Variants in HCN4 observed in about 807,000 individuals in gnomAD.
HCN4 encodes potassium/sodium hyperpolarization-activated cyclic nucleotide-gated channel 4.
Under a neutral mutation model 76.9 loss-of-function variants are expected in HCN4, and 29 were observed. That is an observed-to-expected ratio of 0.38 (90% confidence interval 0.28 to 0.51). HCN4 has a LOEUF of 0.51. Ranked by LOEUF, HCN4 falls within the 20% of genes least tolerant of loss-of-function variation. The pLI, the probability that HCN4 is intolerant of heterozygous loss-of-function variation, is 0.90. For synonymous variants in HCN4, 772 were observed against 762.5 expected (o/e 1.01, Z -0.21); for missense variants, 1,416 against 1,715.2 (o/e 0.83, Z 3.08).
chr15:73,357,843 A>G lies in HCN4; in HGVS notation c.785+9643T>C, dbSNP rs1372302288. Among the ~76,000 whole-genome samples, 3 of 152,170 alleles carry G rather than the reference A, an allele frequency of 2.0e-5. No individual in the cohort carries two copies. In the South Asian group the frequency reaches 6.2e-4, roughly 32 times the overall value. ...GATCTTCCACGTGTCCCTGGCCCCC[A>G]GGGACTGCAGAACTCTAGGATCATG... On this transcript the variant is annotated intron_variant, in intron 1 of 7. Coordinates refer to ENST00000261917, the MANE Select transcript of HCN4 (RefSeq NM_005477.3).
chr15:73,347,766 C>A (rs2151222355), intron 1 of HCN4, among the ~76,000 whole-genome samples: 1 of 152,262 alleles, frequency 6.6e-6, no homozygotes, highest in African/African-American at 2.4e-5. Context: ...GGCAGTCAGG[C>A]TCAGATATCC....
chr15:73,360,579 A>AT (rs1434485390), intron 1 of HCN4, among the ~76,000 whole-genome samples: 1 of 152,186 alleles, frequency 6.6e-6, no homozygotes, highest in Non-Finnish European at 1.5e-5. Context: ...AGAAGGAGGA[A>AT]TGTCAAATTC....
chr15:73,366,243 C>T (rs1245350566), intron 1 of HCN4, among the ~76,000 whole-genome samples: 20 of 152,186 alleles, frequency 1.3e-4, no homozygotes. Context: ...TCTGACTGGT[C>T]ATTCCCAGTG....
At position 73,343,600 on chromosome 15, in the gene HCN4, G is replaced by A. The variant is rs141185786; in HGVS notation, c.994C>T (p.Arg332Trp). ...CTTTTCAGGTACTTCATTTTAATCCGCTGCGGGTCCAGGATGATCTCTGTG... is the reference window on the plus strand; with the variant it reads ...CTTTTCAGGTACTTCATTTTAATCCACTGCGGGTCCAGGATGATCTCTGTG... ...DNTEIILDPQ[R>W]IKMKYLKSWF... Residue 332 changes from arginine to tryptophan, a missense_variant, in exon 2 of 8, where the codon CGG (arginine) becomes TGG (tryptophan). Arg to Trp is a moderately radical substitution (Grantham distance 101). Transcript: ENST00000261917. This position sits in a 1 kb window ranked among gnomAD's most constrained non-coding sequence, Gnocchi z 5.7. 10 of 1,613,988 alleles carry A rather than the reference G, an allele frequency of 6.2e-6. No homozygotes were observed. The highest frequency in any genetic ancestry group is 2.2e-5 in the South Asian group (2 of 91,082).
At chr15:73,360,191 A>C (rs150166558) in intron 1 of HCN4, among the ~76,000 whole-genome samples, 1 of 152,342 alleles carries the variant, frequency 6.6e-6, no homozygotes, top group East Asian at 1.9e-4. Context: ...GACAAGAAAA[A>C]GCTCCAACTG....
chr15:73,325,098 C>T lies in HCN4; in HGVS notation c.1835G>A (p.Arg612His), dbSNP rs528148663. The T allele has an allele frequency of 1.4e-5, 22 of 1,614,240 alleles. No individual in the cohort carries two copies. Among genetic ancestry groups the T allele is most frequent in the East Asian group, 6.7e-5 (3 of 44,878 alleles). ...NFVTSMLTKL[R>H]FEVFQPGDYI... ...GTCCCCAGGCTGGAAGACCTCGAAACGCAGCTTGGTCAGCATGGACGTCAC... is the reference window on the plus strand; with the variant it reads ...GTCCCCAGGCTGGAAGACCTCGAAATGCAGCTTGGTCAGCATGGACGTCAC... The change falls in exon 6 of 8, where the codon CGT becomes CAT. Residue 612 changes from arginine to histidine, a missense_variant. By Grantham distance (29) the Arg-to-His change is conservative. Around this residue, in one of 6 missense-constraint regions of HCN4, gnomAD observed 241 missense variants for 379.4 expected, o/e 0.64. Transcript: ENST00000261917. This position sits in a 1 kb window ranked among gnomAD's most constrained non-coding sequence, Gnocchi z 7.4.
rs549899850 is a variant in HCN4 at position 73,322,075 on chromosome 15, T to G, written c.*406A>C. Reference sequence around the variant, plus strand: ...GGGCAGCCCCTTTCTGGGGGCAGAGTGGAGCTCCAAGTTACAGCTAACGGG... The same window carrying G: ...GGGCAGCCCCTTTCTGGGGGCAGAGGGGAGCTCCAAGTTACAGCTAACGGG... On this transcript the variant is annotated 3_prime_UTR_variant, in exon 8 of 8. Coordinates refer to ENST00000261917, the MANE Select transcript of HCN4 (RefSeq NM_005477.3). The G allele has an allele frequency of 1.5e-4, 38 of 256,036 alleles. 1 individual carries two copies. The highest frequency in any genetic ancestry group is 2.9e-3 in the Middle Eastern group (2 of 680). 15.9% of individuals were successfully genotyped at this position (256,036 alleles called of 1,614,324 possible). A position where few individuals can be genotyped will look rare whatever the true frequency, so the allele number is the denominator to read the frequency against.
chr15:73,332,391 G>A, intron 2 of HCN4, 99 bp from the exon 3 acceptor site: 1 of 1,247,258 alleles, frequency 8.0e-7, no homozygotes, highest in South Asian at 1.2e-5. Context: ...GCACTGCTCT[G>A]CCTGGACTCT....
chr15:73,326,281 G>A (rs527491663), intron 4 of HCN4, among the ~76,000 whole-genome samples: 5 of 152,150 alleles, frequency 3.3e-5, no homozygotes, highest in East Asian at 1.9e-4. Flanking sequence ...AATCAGAAAC[G>A]GGGCAGCCTG....
chr15:73,367,635 G>A lies in HCN4; in HGVS notation c.636C>T (p.Gly212=). Residue 212 remains glycine, a synonymous_variant, in exon 1 of 8, where the codon GGC becomes GGT. Coordinates refer to ENST00000261917, the MANE Select transcript of HCN4 (RefSeq NM_005477.3). The surrounding 1 kb of genome is among the most constrained non-coding windows in gnomAD (Gnocchi z 7.5). ...PEAEVRLGQA[G]FMQRQFGAML... The stretch of plus-strand genomic sequence containing the variant: ...TGGCCCCGAACTGGCGCTGCATGAA[G>A]CCGGCCTGGCCCAGGCGCACCTCGG... The A allele has an allele frequency of 1.9e-6, 3 of 1,611,918 alleles. No homozygotes were observed. The highest frequency in any genetic ancestry group is 2.5e-6 in the Non-Finnish European group (3 of 1,179,954).
intron 1 of HCN4, among the ~76,000 whole-genome samples, chr15:73,355,558 T>A (rs1038995860): frequency 6.6e-6 from 1 of 152,088 alleles, no homozygotes; most frequent in African/African-American, 2.4e-5. Context: ...CCAGGGTACA[T>A]GAGGGGCTGG....
chr15:73,345,045 C>T (rs1281003075), intron 1 of HCN4, among the ~76,000 whole-genome samples: 1 of 152,202 alleles, frequency 6.6e-6, no homozygotes. Context: ...ATCTTTGATT[C>T]TTTACTGCAG....
chr15:73,350,025 C>T (rs1017120743), intron 1 of HCN4, among the ~76,000 whole-genome samples: 1 of 152,242 alleles, frequency 6.6e-6, no homozygotes, highest in Non-Finnish European at 1.5e-5. Flanking sequence ...CCAAAGCACA[C>T]ACTTGACCAC....
chr15:73,360,489 C>T (rs937263119), intron 1 of HCN4, among the ~76,000 whole-genome samples: 3 of 152,200 alleles, frequency 2.0e-5, no homozygotes, highest in Non-Finnish European at 2.9e-5. Flanking sequence ...CTTTCTGAGC[C>T]CCTCCTCGAC....
At position 73,324,123 on chromosome 15, in the gene HCN4, G is replaced by A. The variant is rs150378994; in HGVS notation, c.2109C>T (p.Phe703=). The A allele has an allele frequency of 4.2e-5, 67 of 1,613,450 alleles. 1 individual carries two copies. In the African/African-American group the frequency reaches 6.0e-4, roughly 14 times the overall value. Reference sequence around the variant, plus strand: ...CCAGGCGGTCCAGCGCCACGGTCTCGAAGGCCCTTCGCATCATGGGGTACT... The same window carrying A: ...CCAGGCGGTCCAGCGCCACGGTCTCAAAGGCCCTTCGCATCATGGGGTACT... The part of the protein sequence containing the change: ...LEEYPMMRRA[F]ETVALDRLDR... The change falls in exon 7 of 8, where the codon TTC becomes TTT. Residue 703 remains phenylalanine (F), a synonymous_variant. Transcript: ENST00000261917.
At chr15:73,353,732 G>A (rs1253459418) in intron 1 of HCN4, among the ~76,000 whole-genome samples, 1 of 152,114 alleles carries the variant, frequency 6.6e-6, no homozygotes, top group African/African-American at 2.4e-5. Context: ...GGGTGAGCAG[G>A]AGTCCTCCCT....
rs1237920489 is a variant in HCN4 at position 73,324,078 on chromosome 15, C to G, written c.2143+11G>C. Reference sequence around the variant, plus strand: ...CCCCCACCTGCCCCGCCTGTGGCCCCTCCCCCTCACCAATGCGGTCCAGGC... The same window carrying G: ...CCCCCACCTGCCCCGCCTGTGGCCCGTCCCCCTCACCAATGCGGTCCAGGC... On this transcript the variant is annotated intron_variant, in intron 7 of 7. Coordinates refer to ENST00000261917, the MANE Select transcript of HCN4 (RefSeq NM_005477.3). 3.1e-6 allele frequency: 5 copies of G among 1,612,398 alleles called. No individual in the cohort carries two copies. The African/African-American group carries it at 6.7e-5, about 22-fold the overall frequency.
In HCN4 at chr15:73,366,150, T is replaced by C. The variant is rs533765537; in HGVS notation, c.785+1336A>G. ...TCTGGGAATGGGAACCCTGGAGATA[T>C]TAGGGTTAGGAAGAGCAGTCTGTCA... On this transcript the variant is annotated intron_variant, in intron 1 of 7. Coordinates refer to ENST00000261917, the MANE Select transcript of HCN4 (RefSeq NM_005477.3). 6.6e-5 allele frequency among the ~76,000 whole-genome samples: 10 copies of C among 152,262 alleles called. No homozygotes were observed. The South Asian group carries it at 8.3e-4, about 13-fold the overall frequency.
At chr15:73,334,430 C>T (rs1206919987) in intron 2 of HCN4, among the ~76,000 whole-genome samples, 2 of 152,064 alleles carry the variant, frequency 1.3e-5, no homozygotes, top group Non-Finnish European at 2.9e-5. Context: ...AGCACCAGAG[C>T]CCCCAGCACC....
Sources: allele counts gnomAD v4.1 joint callset (sites outside exome capture counted in the v4.1 genomes callset), GRCh38; gene constraint gnomAD v4.1.1; regional missense constraint gnomAD v4.1.1; non-coding constraint Gnocchi (gnomAD v3.1); transcripts MANE v1.5; gene names NCBI Gene and HGNC (gene_info 2026-07-23, HGNC 2026-07-21).